ZNF599: variants seen among roughly 807,000 people sequenced by gnomAD.
ZNF599 encodes the protein zinc finger protein 599.
Under a neutral mutation model 11.7 loss-of-function variants are expected in ZNF599, and 10 were observed. That is an observed-to-expected ratio of 0.86 (90% CI 0.53 to 1.45). The LOEUF (loss-of-function observed/expected upper bound fraction) is 1.45. Ranked by LOEUF, ZNF599 falls within the 40% of genes most tolerant of loss-of-function variation. The pLI is 0.00. For synonymous variants in ZNF599, 232 were observed against 253.2 expected (o/e 0.92, Z 0.79); for missense variants, 688 against 713.6 (o/e 0.96, Z 0.41).
chr19:34,772,799 G>C, intron 1 of ZNF599, 25 bp downstream of exon 1: 1 of 1,534,308 alleles, frequency 6.5e-7, no homozygotes, highest in African/African-American at 1.4e-5. Flanking sequence ...CCGAGCTCGC[G>C]CGGGCTGCGG....
At chr19:34,788,253 C>G in the ZNF599 span, among the ~76,000 whole-genome samples, 1 of 152,162 alleles carries the variant, frequency 6.6e-6, no homozygotes, top group Non-Finnish European at 1.5e-5. Context: ...ATTTCTCCTC[C>G]ACACTCAATA....
the ZNF599 span, among the ~76,000 whole-genome samples, chr19:34,779,016 C>T: frequency 6.6e-6 from 1 of 152,180 alleles, no homozygotes; most frequent in African/African-American, 2.4e-5. Flanking sequence ...AAAACACTGA[C>T]AACACCAATT....
the ZNF599 span, among the ~76,000 whole-genome samples, chr19:34,779,019 C>T: frequency 6.6e-6 from 1 of 152,172 alleles, no homozygotes; most frequent in South Asian, 2.1e-4. Context: ...ACACTGACAA[C>T]ACCAATTGTT....
chr19:34,791,028 C>T, the ZNF599 span, among the ~76,000 whole-genome samples: 5 of 152,196 alleles, frequency 3.3e-5, no homozygotes, highest in Non-Finnish European at 7.3e-5. Context: ...TTACCTTATA[C>T]AGTTCCATAT....
chr19:34,762,186 T>C (rs1277027772), intron 3 of ZNF599, among the ~76,000 whole-genome samples: 2 of 152,176 alleles, frequency 1.3e-5, no homozygotes, highest in Non-Finnish European at 2.9e-5. Context: ...ATGAACATAT[T>C]ATGCACTGAT....
chr19:34,788,358 G>A, the ZNF599 span, among the ~76,000 whole-genome samples: 145 of 152,206 alleles, frequency 9.5e-4, no homozygotes, highest in African/African-American at 3.4e-3. Flanking sequence ...AGATCTGAAG[G>A]CTATGATCAA....
chr19:34,804,253 CTTGGTGCCA>C, the ZNF599 span, among the ~76,000 whole-genome samples: 4 of 152,242 alleles, frequency 2.6e-5, no homozygotes, highest in African/African-American at 7.2e-5. Context: ...AGGCCCTGTC[CTTGGTGCCA>C]TCTTTCTTCA....
At position 34,759,163 on chromosome 19, in the gene ZNF599, G is replaced by A; in HGVS notation, c.1638C>T (p.Asp546=). Residue 546 remains aspartate (D), a synonymous_variant, in exon 4 of 4, where the codon GAC becomes GAT. Coordinates refer to ENST00000329285, the MANE Select transcript of ZNF599 (RefSeq NM_001007248.3). ...TCATGTGCTGAGTTAAAGCAAAGTT[G>A]TCACAGAAGGCTTTCTCACATTCTT... is the stretch of plus-strand genomic sequence containing the variant. ...ECKECEKAFC[D]NFALTQHMRT... 1.2e-6 allele frequency: 2 copies of A among 1,614,122 alleles called. No homozygotes were observed. The highest frequency in any genetic ancestry group is 1.7e-6 in the Non-Finnish European group (2 of 1,180,026).
chr19:34,760,004 C>T lies in ZNF599; in HGVS notation c.797G>A (p.Arg266His), dbSNP rs760360940. The change falls in exon 4 of 4, where the codon CGC becomes CAC. Residue 266 changes from arginine to histidine, a missense_variant. Coordinates refer to ENST00000329285, the MANE Select transcript of ZNF599 (RefSeq NM_001007248.3). ...CTGGTGCTCCGTGAGGTGAAACCTG[C>T]GTTTGAAGGCTTTCCCACACTCAAT... The part of the protein sequence containing the change: ...KCIECGKAFK[R>H]RFHLTEHQRI... The T allele has an allele frequency of 1.1e-5, 17 of 1,613,926 alleles. No individual in the cohort carries two copies. Among genetic ancestry groups the T allele is most frequent in the Admixed American group, 8.3e-5 (5 of 59,980 alleles).
In ZNF599 at chr19:34,760,196, G is replaced by A. The variant is rs556968913; in HGVS notation, c.605C>T (p.Thr202Met). The change falls in exon 4 of 4, where the codon ACG (threonine) becomes ATG (methionine). Residue 202 changes from threonine to methionine, a missense_variant. Transcript: ENST00000329285. ...CTTGCTAAACCCTTTCCCACATTCC[G>A]TGCATGTGTAAGGGTTATTCCTTGC... ...TDARNNPYTC[T>M]ECGKGFSKKW... 76 of 1,614,046 alleles carry A rather than the reference G, an allele frequency of 4.7e-5. No homozygotes were observed. The South Asian group carries it at 6.1e-4, about 13-fold the overall frequency.
intron 2 of ZNF599, among the ~76,000 whole-genome samples, chr19:34,767,759 A>G (rs1013877140): frequency 1.3e-5 from 2 of 152,172 alleles, no homozygotes; most frequent in Admixed American, 6.5e-5. Flanking sequence ...ATCTATTGAT[A>G]GTCAGTTGTG....
At chr19:34,775,266 T>C (rs951692715), upstream of ZNF599, among the ~76,000 whole-genome samples, 3 of 152,234 alleles carry the variant, frequency 2.0e-5, no homozygotes, top group East Asian at 1.9e-4. Flanking sequence ...TACCAACTTA[T>C]GAATGGATAA....
chr19:34,774,872 G>T (rs2069209597), upstream of ZNF599, among the ~76,000 whole-genome samples: 1 of 152,148 alleles, frequency 6.6e-6, no homozygotes, highest in Admixed American at 6.5e-5. Flanking sequence ...ATATTATGGG[G>T]CCTGTTGGGA....
chr19:34,786,507 C>T, the ZNF599 span, among the ~76,000 whole-genome samples: 1 of 152,152 alleles, frequency 6.6e-6, no homozygotes. Flanking sequence ...AGTAACCCAG[C>T]ACCACCAACT....
the ZNF599 span, among the ~76,000 whole-genome samples, chr19:34,803,742 C>T: frequency 6.6e-6 from 1 of 152,172 alleles, no homozygotes; most frequent in Admixed American, 6.5e-5. Flanking sequence ...CCCCTTCTTG[C>T]CAAGAAATTA....
At chr19:34,784,359 A>G in the ZNF599 span, among the ~76,000 whole-genome samples, 1 of 152,188 alleles carries the variant, frequency 6.6e-6, no homozygotes, top group African/African-American at 2.4e-5. Flanking sequence ...TCGGGATCTC[A>G]TTTTAACACG....
At chr19:34,791,727 T>C in the ZNF599 span, 6 of 151,720 alleles carry the variant, frequency 4.0e-5, no homozygotes, top group Admixed American at 2.6e-4. Flanking sequence ...CCCAGGGAGG[T>C]CACAACAAGA....
Position 34,769,534 on chromosome 19 carries a change from C to T in ZNF599, c.40G>A (p.Val14Met), listed in dbSNP as rs565979259. Residue 14 changes from valine to methionine, a missense_variant, in exon 2 of 4, where the codon GTG becomes ATG. Coordinates refer to ENST00000329285, the MANE Select transcript of ZNF599 (RefSeq NM_001007248.3). ...TCCTCTCCAGTGAAGGTCACAACCA[C>T]GTCTTCAAATGATACTAATGCCTGG... is the stretch of plus-strand genomic sequence containing the variant. ...PALALVSFED[V>M]VVTFTGEEWG... 1.7e-5 allele frequency: 28 copies of T among 1,614,002 alleles called. No homozygotes were observed. Among genetic ancestry groups the T allele is most frequent in the Middle Eastern group, 1.7e-4 (1 of 6,056 alleles).
intron 1 of ZNF599, chr19:34,772,225 G>T: frequency 1.4e-6 from 1 of 719,646 alleles, no homozygotes; most frequent in Non-Finnish European, 1.7e-6. Flanking sequence ...ATTCACTGCT[G>T]TTAGGCGGCA....
Sources: allele counts gnomAD v4.1 joint callset (sites outside exome capture counted in the v4.1 genomes callset), GRCh38; gene constraint gnomAD v4.1.1; transcripts MANE v1.5; gene names NCBI Gene and HGNC (gene_info 2026-07-23, HGNC 2026-07-21).